Variants in GABRB1 observed in about 807,000 individuals in gnomAD.
GABRB1 encodes gamma-aminobutyric acid type A receptor subunit beta1.
In GABRB1, 17 loss-of-function variants were observed where a neutral mutation model predicts 51.6. The observed-to-expected ratio is 0.33, with a 90% CI of 0.23 to 0.49. GABRB1 has a LOEUF of 0.49. GABRB1 is among the 20% of genes least tolerant of loss of function. The pLI, the probability that GABRB1 is intolerant of heterozygous loss-of-function variation, is 0.99. For missense variants in GABRB1, 410 were observed against 600.6 expected, an observed-to-expected ratio of 0.68 and a Z score of 3.32; for synonymous variants, 247 against 218.9, an observed-to-expected ratio of 1.13 and a Z score of -1.14.
upstream of GABRB1, among the ~76,000 whole-genome samples, chr4:47,030,135 G>A (rs1404842989): frequency 6.6e-6 from 1 of 152,076 alleles, no homozygotes; most frequent in Non-Finnish European, 1.5e-5. Flanking sequence ...ACAATGTTGA[G>A]TCTTCCCAAT....
intron 8 of GABRB1, among the ~76,000 whole-genome samples, chr4:47,423,607 C>T (rs1042689396): frequency 8.5e-5 from 13 of 152,138 alleles, no homozygotes; most frequent in Admixed American, 2.0e-4. Context: ...TTTGGAGGTG[C>T]CTATGGGCAG....
At chr4:47,125,004 T>A (rs541753889) in intron 3 of GABRB1, among the ~76,000 whole-genome samples, 1 of 152,274 alleles carries the variant, frequency 6.6e-6, no homozygotes, top group African/African-American at 2.4e-5. Context: ...CAAAACAGGA[T>A]TAACCTGAAG....
At chr4:47,156,028 T>TA (rs1401937142) in intron 3 of GABRB1, among the ~76,000 whole-genome samples, 1 of 150,286 alleles carries the variant, frequency 6.7e-6, no homozygotes, top group Admixed American at 6.7e-5. Flanking sequence ...AATGCTACAA[T>TA]AAAAATGGGA....
chr4:46,996,393 T>A (rs16859842), intron 1 of GABRB1, among the ~76,000 whole-genome samples: 1 of 152,102 alleles, frequency 6.6e-6, no homozygotes, highest in African/African-American at 2.4e-5. Flanking sequence ...GAGTTTACTT[T>A]GGATATAATA....
At chr4:47,077,846 A>G (rs1385192980) in intron 3 of GABRB1, among the ~76,000 whole-genome samples, 1 of 140,764 alleles carries the variant, frequency 7.1e-6, no homozygotes, top group Non-Finnish European at 1.5e-5. Context: ...TATATTTTAT[A>G]TATATTTTTA....
At chr4:47,406,260 G>A (rs148617106) in intron 7 of GABRB1, among the ~76,000 whole-genome samples, 1,695 of 152,276 alleles carry the variant, frequency 0.011, 13 homozygotes, top group Non-Finnish European at 0.017. Context: ...TTTCAGTTTG[G>A]TAGAGGCTGC....
At chr4:47,252,884 A>G (rs145552690) in intron 4 of GABRB1, among the ~76,000 whole-genome samples, 2,034 of 152,296 alleles carry the variant, frequency 0.013, 26 homozygotes, top group Non-Finnish European at 0.02. Flanking sequence ...TAAAAATGAG[A>G]CTTTTTGAAA....
chr4:47,096,927 G>A (rs949506213), intron 3 of GABRB1, among the ~76,000 whole-genome samples: 1 of 152,134 alleles, frequency 6.6e-6, no homozygotes, highest in African/African-American at 2.4e-5. Context: ...GACATCTAAC[G>A]CACACACAAC....
chr4:47,302,473 A>G (rs777168214), intron 4 of GABRB1, among the ~76,000 whole-genome samples: 26 of 152,024 alleles, frequency 1.7e-4, no homozygotes, highest in Non-Finnish European at 3.5e-4. Context: ...TAAGATTCAC[A>G]AATATTAACT....
chr4:47,363,437 C>G lies in GABRB1; in HGVS notation c.545-39881C>G, dbSNP rs190218073. On this transcript the variant is annotated intron_variant, in intron 5 of 8. Transcript: ENST00000295454. ...GCACATCTCAGGCCCGAAAATCAGT[C>G]TCTCTTACTTTTGGGTTTTCTCATC... Among the ~76,000 whole-genome samples the G allele has an allele frequency of 5.0e-4, 76 of 152,142 alleles. 1 individual carries two copies. The East Asian group carries it at 0.012, about 24-fold the overall frequency.
At chr4:47,278,758 A>G (rs1315563358) in intron 4 of GABRB1, among the ~76,000 whole-genome samples, 6 of 152,196 alleles carry the variant, frequency 3.9e-5, no homozygotes, top group African/African-American at 1.4e-4. Flanking sequence ...CAAAAGCATG[A>G]CAATTTCAGT....
intron 3 of GABRB1, among the ~76,000 whole-genome samples, chr4:47,074,897 G>C (rs1028843795): frequency 3.9e-5 from 6 of 152,164 alleles, no homozygotes; most frequent in African/African-American, 1.4e-4. Context: ...CAAATCTCAA[G>C]ATTATCTCAG....
chr4:47,408,124 G>A (rs997945140), intron 8 of GABRB1, among the ~76,000 whole-genome samples: 1 of 152,130 alleles, frequency 6.6e-6, no homozygotes, highest in Non-Finnish European at 1.5e-5. Context: ...GGAAAACAGA[G>A]TACTGAACAA....
chr4:47,198,642 T>C (rs1341154192), intron 4 of GABRB1, among the ~76,000 whole-genome samples: 1 of 152,176 alleles, frequency 6.6e-6, no homozygotes, highest in Non-Finnish European at 1.5e-5. Context: ...GCAGAAAACT[T>C]ACCTGAATTG....
chr4:47,260,032 A>G (rs1022654136), intron 4 of GABRB1, among the ~76,000 whole-genome samples: 6 of 152,168 alleles, frequency 3.9e-5, no homozygotes, highest in Non-Finnish European at 7.3e-5. Context: ...ATACATATTT[A>G]GGATAGTTAG....
intron 3 of GABRB1, among the ~76,000 whole-genome samples, chr4:47,080,599 TG>T (rs1450319438): frequency 3.3e-5 from 5 of 152,200 alleles, no homozygotes; most frequent in Non-Finnish European, 5.9e-5. Context: ...TATTTTGTTT[TG>T]GAGACAAGGT....
intron 5 of GABRB1, among the ~76,000 whole-genome samples, chr4:47,365,529 C>T (rs2110013806): frequency 6.6e-6 from 1 of 152,248 alleles, no homozygotes; most frequent in South Asian, 2.1e-4. Context: ...AGATGTCTTC[C>T]TTGCTCCACC....
At chr4:47,090,744 G>A (rs1276944242) in intron 3 of GABRB1, among the ~76,000 whole-genome samples, 1 of 152,186 alleles carries the variant, frequency 6.6e-6, no homozygotes, top group Non-Finnish European at 1.5e-5. Flanking sequence ...GAGTGTCGAT[G>A]GACTAGAGAG....
intron 4 of GABRB1, among the ~76,000 whole-genome samples, chr4:47,179,483 G>A (rs1022297687): frequency 5.3e-5 from 8 of 151,928 alleles, no homozygotes; most frequent in African/African-American, 1.2e-4. Context: ...ACGTGCACAC[G>A]TATGTTTATT....
Sources: allele counts gnomAD v4.1 joint callset (sites outside exome capture counted in the v4.1 genomes callset), GRCh38; gene constraint gnomAD v4.1.1; transcripts MANE v1.5; gene names NCBI Gene and HGNC (gene_info 2026-07-23, HGNC 2026-07-21).